Variants in TWF2 observed in about 807,000 individuals in gnomAD.
TWF2 encodes twinfilin-2.
A neutral mutation model predicts 45.1 loss-of-function variants in TWF2; 15 were observed. The observed-to-expected ratio is 0.33, with a 90% CI of 0.22 to 0.51. The LOEUF (loss-of-function observed/expected upper bound fraction) is 0.51, where lower values mean the gene tolerates loss of function less well. Ranked by LOEUF, TWF2 falls within the 20% of genes least tolerant of loss-of-function variation. TWF2 has a pLI of 0.97. For missense variants in TWF2, 423 were observed against 469.1 expected (o/e 0.90, Z 0.91); for synonymous variants, 177 against 195.8 (o/e 0.90, Z 0.80).
Position 52,239,071 on chromosome 3 carries a change from C to T in TWF2, c.-55G>A. The T allele has an allele frequency of 1.9e-6, 3 of 1,577,744 alleles. No individual in the cohort carries two copies. The highest frequency in any genetic ancestry group is 2.6e-6 in the Non-Finnish European group (3 of 1,169,182). The stretch of plus-strand genomic sequence containing the variant: ...CGGAGCCCTCCGCTTGACCCTGGCC[C>T]GGCAACGCTCGCTGGACCAAGAGAG... On this transcript the variant is annotated 5_prime_UTR_variant, in exon 1 of 9. Transcript: ENST00000305533.
At chr3:52,234,264 A>G (rs59672625) in intron 2 of TWF2, among the ~76,000 whole-genome samples, 3 of 151,986 alleles carry the variant, frequency 2.0e-5, no homozygotes, top group Non-Finnish European at 4.4e-5. Context: ...AGCTGGGAGG[A>G]CCTCTGGGGA....
intron 2 of TWF2, among the ~76,000 whole-genome samples, chr3:52,233,945 G>C (rs1249426016): frequency 6.6e-6 from 1 of 151,126 alleles, no homozygotes; most frequent in South Asian, 2.1e-4. Flanking sequence ...AATCTGCAGG[G>C]ACATCTTGTC....
chr3:52,238,918 G>A (rs923433585), intron 1 of TWF2, 74 bp downstream of exon 1: 1 of 1,491,082 alleles, frequency 6.7e-7, no homozygotes, highest in Admixed American at 2.1e-5. Context: ...GTGGAGGGAG[G>A]GGCCGAGAGC....
rs1699661028 is a variant in TWF2 at position 52,229,789 on chromosome 3, G to C, written c.761-7C>G. 6.8e-6 allele frequency: 11 copies of C among 1,608,074 alleles called. No homozygotes were observed. The highest frequency in any genetic ancestry group is 9.4e-6 in the Non-Finnish European group (11 of 1,176,282). On this transcript the variant is annotated splice_polypyrimidine_tract_variant and splice_region_variant and intron_variant, in intron 7 of 8. Coordinates refer to ENST00000305533, the MANE Select transcript of TWF2 (RefSeq NM_007284.4). ...GGCATGGAGTAGATGAACACTGTTGGGGGGCAGGAGGTGAGCCTGGGAGGC... is the reference window on the plus strand; with the variant it reads ...GGCATGGAGTAGATGAACACTGTTGCGGGGCAGGAGGTGAGCCTGGGAGGC...
At chr3:52,238,267 A>T (rs891960931) in intron 1 of TWF2, among the ~76,000 whole-genome samples, 1 of 152,216 alleles carries the variant, frequency 6.6e-6, no homozygotes, top group South Asian at 2.1e-4. Context: ...AGAAAGTCAC[A>T]GTGGAAAATG....
In TWF2 at chr3:52,228,849, G is replaced by T; in HGVS notation, c.*185C>A. 1.1e-6 allele frequency: 1 copy of T among 879,764 alleles called. No homozygotes were observed. Among genetic ancestry groups the T allele is most frequent in the Non-Finnish European group, 1.7e-6 (1 of 595,508 alleles). The allele number at this position is 879,764 out of a possible 1,614,324, so 54.5% of individuals were successfully genotyped here. On this transcript the variant is annotated 3_prime_UTR_variant, in exon 9 of 9. Transcript: ENST00000305533. ...CCTGGGCACACAGACGAGATGCAGG[G>T]ACAGCAACAGGGAAGGGTCACAAAA...
intron 1 of TWF2, among the ~76,000 whole-genome samples, chr3:52,235,973 CAGG>C (rs1400102532): frequency 2.0e-5 from 3 of 152,062 alleles, no homozygotes; most frequent in African/African-American, 7.2e-5. Flanking sequence ...GGGCAGCTTC[CAGG>C]AGAAGGAATG....
rs957641164 is a variant in TWF2, at chr3:52,230,954, C to A, written c.525G>T (p.Leu175=). ...EISVESKHQT[L]QGLAFPLQPE... is the part of the protein sequence containing the mutation. Reference sequence around the variant, plus strand: ...GCTGCAGGGGGAAGGCGAGGCCCTGCAGGGTCTGGTGCTTGCTTTCCACAC... The same window carrying A: ...GCTGCAGGGGGAAGGCGAGGCCCTGAAGGGTCTGGTGCTTGCTTTCCACAC... The change falls in exon 6 of 9, where the codon CTG becomes CTT. Residue 175 remains leucine, a synonymous_variant. Coordinates refer to ENST00000305533, the MANE Select transcript of TWF2 (RefSeq NM_007284.4). 1.2e-6 allele frequency: 2 copies of A among 1,603,912 alleles called. No homozygotes were observed. The highest frequency in any genetic ancestry group is 2.7e-5 in the African/African-American group (2 of 74,668).
chr3:52,238,929 C>CA, intron 1 of TWF2, 63 bp downstream of exon 1: 1 of 1,177,400 alleles, frequency 8.5e-7, no homozygotes, highest in Non-Finnish European at 1.1e-6. Flanking sequence ...GGCCGAGAGC[C>CA]GGGGGGGGGC....
Position 52,238,977 on chromosome 3 carries a change from G to T in TWF2, c.25+15C>A. The T allele has an allele frequency of 6.3e-7, 1 of 1,587,494 alleles. No homozygotes were observed. Among genetic ancestry groups the T allele is most frequent in the Non-Finnish European group, 8.5e-7 (1 of 1,173,722 alleles). On this transcript the variant is annotated intron_variant, in intron 1 of 8. Coordinates refer to ENST00000305533, the MANE Select transcript of TWF2 (RefSeq NM_007284.4). ...CCAGACCGAGGCCCCCTGCCCGCCC[G>T]CCATCCGCCCTCACCGTGGATGCCC...
chr3:52,230,483 C>G (rs1699667760), intron 6 of TWF2, among the ~76,000 whole-genome samples: 1 of 152,150 alleles, frequency 6.6e-6, no homozygotes, highest in Non-Finnish European at 1.5e-5. Context: ...GCAGAAGGAC[C>G]CTGCCTAGGG....
chr3:52,235,713 T>C (rs1199368010), intron 1 of TWF2, among the ~76,000 whole-genome samples: 2 of 152,106 alleles, frequency 1.3e-5, no homozygotes, highest in Admixed American at 6.5e-5. Context: ...CACAGAGATA[T>C]AGTCCCCGGC....
chr3:52,238,271 G>T (rs2107306522), intron 1 of TWF2, among the ~76,000 whole-genome samples: 1 of 152,330 alleles, frequency 6.6e-6, no homozygotes, highest in Admixed American at 6.5e-5. Flanking sequence ...AGTCACAGTG[G>T]AAAATGGGAG....
Position 52,229,050 on chromosome 3 carries a change from T to C in TWF2, c.1034A>G (p.Asn345Ser), listed in dbSNP as rs764551812. 58 of 1,611,750 alleles carry C rather than the reference T, an allele frequency of 3.6e-5. No individual in the cohort carries two copies. In the South Asian group the frequency reaches 4.9e-4, roughly 14 times the overall value. ...HKRLIRGPGENGDDS is the reference protein window; with the variant it reads ...HKRLIRGPGESGDDS Reference sequence around the variant, plus strand: ...TCCAGCCTCCTAGCTGTCATCCCCATTTTCACCCGGGCCGCGGATGAGGCG... The same window carrying C: ...TCCAGCCTCCTAGCTGTCATCCCCACTTTCACCCGGGCCGCGGATGAGGCG... The change falls in exon 9 of 9, where the codon AAT becomes AGT. Residue 345 changes from asparagine (N) to serine (S), a missense_variant. Physicochemically the swap from Asn to Ser is conservative, Grantham distance 46 (BLOSUM62 1). Coordinates refer to ENST00000305533, the MANE Select transcript of TWF2 (RefSeq NM_007284.4).
rs1699663151 is a variant in TWF2, at chr3:52,229,952, T to C, written c.728A>G (p.His243Arg). 5 of 1,613,026 alleles carry C rather than the reference T, an allele frequency of 3.1e-6. No individual in the cohort carries two copies. Among genetic ancestry groups the C allele is most frequent in the African/African-American group, 1.3e-5 (1 of 75,038 alleles). The change falls in exon 7 of 9, where the codon CAC becomes CGC. Residue 243 changes from histidine (H) to arginine (R), a missense_variant. Transcript: ENST00000305533. ...AARYHFFLYK[H>R]THEGDPLESV... ...CTCAAGGGGGTCGCCCTCATGGGTG[T>C]GCTTGTAGAGGAAGAAGTGGTAGCG... is the stretch of plus-strand genomic sequence containing the variant.
At chr3:52,234,572 G>C (rs1263881429) in intron 2 of TWF2, among the ~76,000 whole-genome samples, 1 of 152,144 alleles carries the variant, frequency 6.6e-6, no homozygotes, top group Non-Finnish European at 1.5e-5. Context: ...CCCATCATGG[G>C]GGCACTTCCA....
chr3:52,238,978 C>G lies in TWF2; in HGVS notation c.25+14G>C. 6.3e-7 allele frequency: 1 copy of G among 1,593,710 alleles called. No individual in the cohort carries two copies. The highest frequency in any genetic ancestry group is 2.0e-4 in the Middle Eastern group (1 of 5,020). On this transcript the variant is annotated intron_variant, in intron 1 of 8. Coordinates refer to ENST00000305533, the MANE Select transcript of TWF2 (RefSeq NM_007284.4). Reference sequence around the variant, plus strand: ...CAGACCGAGGCCCCCTGCCCGCCCGCCATCCGCCCTCACCGTGGATGCCCG... The same window carrying G: ...CAGACCGAGGCCCCCTGCCCGCCCGGCATCCGCCCTCACCGTGGATGCCCG...
rs756100503 is a variant in TWF2 at position 52,229,667 on chromosome 3, G to A, written c.876C>T (p.Ala292=). ...SVEQDFHLEI[A]KKIEIGDGAE... ...CCCTGGGGAGGGCGCCTACTTTCTTGGCGATCTCCAGATGGAAGTCCTGCT... is the reference window on the plus strand; with the variant it reads ...CCCTGGGGAGGGCGCCTACTTTCTTAGCGATCTCCAGATGGAAGTCCTGCT... The change falls in exon 8 of 9, where the codon GCC becomes GCT. Residue 292 remains alanine (A), a synonymous_variant. Coordinates refer to ENST00000305533, the MANE Select transcript of TWF2 (RefSeq NM_007284.4). 1 of 1,613,370 alleles carries A rather than the reference G, an allele frequency of 6.2e-7. No individual in the cohort carries two copies. Among genetic ancestry groups the A allele is most frequent in the Non-Finnish European group, 8.5e-7 (1 of 1,179,974 alleles).
rs940424498 is a variant in TWF2, at chr3:52,237,778, G to A, written c.25+1214C>T. On this transcript the variant is annotated intron_variant, in intron 1 of 8. Transcript: ENST00000305533. ...CCCTGACCCAGGCCCCTGCCTTCGC[G>A]GGGCCAGGGAAACCTTCTCAGGGCA... Among the ~76,000 whole-genome samples the A allele has an allele frequency of 7.2e-5, 11 of 152,274 alleles. 1 individual carries two copies. In the South Asian group the frequency reaches 1.0e-3, roughly 14 times the overall value.
Sources: gnomAD v4.1 joint callset for allele counts (sites outside exome capture counted in the v4.1 genomes callset) on GRCh38, gnomAD v4.1.1 for gene constraint, MANE v1.5 for transcripts, NCBI Gene and HGNC (gene_info 2026-07-23, HGNC 2026-07-21) for gene names.